TPR: variants seen among roughly 807,000 people sequenced by gnomAD.
TPR encodes translocated promoter region, nuclear basket protein, also known as nucleoprotein TPR.
In TPR, 51 loss-of-function variants were observed where a neutral mutation model predicts 316.1. The ratio of observed to expected loss-of-function variants is 0.16; its 90% confidence interval spans 0.13 to 0.20. The LOEUF (loss-of-function observed/expected upper bound fraction) is 0.20, where lower values mean the gene tolerates loss of function less well. Among genes scored for constraint, TPR ranks in the 10% least tolerant of loss-of-function variants. The pLI is 1.00. For missense variants in TPR, 2,272 were observed against 2,754.8 expected (o/e 0.82, Z 3.92); for synonymous variants, 981 against 914.7 (o/e 1.07, Z -1.31).
In TPR at chr1:186,362,916, T is replaced by A. The variant is rs777593623; in HGVS notation, c.617A>T (p.Asp206Val). The change falls in exon 6 of 51, where the codon GAT becomes GTT. Residue 206 changes from aspartate to valine, a missense_variant. Physicochemically the swap from Asp to Val is radical, Grantham distance 152 (BLOSUM62 -3). This residue lies in a region of TPR where 549 missense variants were observed against 598.6 expected (regional missense o/e 0.92). Transcript: ENST00000367478. ...WLNTELKTKT[D>V]ELLALGREKG... ...TTCTCTTCCAAGAGCCAGAAGTTCATCAGTTTTGGTTTTCAACTCTGTATT... is the reference window on the plus strand; with the variant it reads ...TTCTCTTCCAAGAGCCAGAAGTTCAACAGTTTTGGTTTTCAACTCTGTATT... 1 of 1,611,812 alleles carries A rather than the reference T, an allele frequency of 6.2e-7. No homozygotes were observed. Among genetic ancestry groups the A allele is most frequent in the Non-Finnish European group, 8.5e-7 (1 of 1,179,060 alleles).
intron 32 of TPR, 91 bp from the exon 33 acceptor site, chr1:186,336,785 T>C (rs1658352644): frequency 7.1e-7 from 1 of 1,410,464 alleles, no homozygotes; most frequent in South Asian, 1.3e-5. Context: ...CTTATTAATT[T>C]GCTTTTTAAA....
intron 1 of TPR, among the ~76,000 whole-genome samples, chr1:186,373,979 C>T (rs1457411469): frequency 6.6e-6 from 1 of 152,136 alleles, no homozygotes. Flanking sequence ...GTAAGACATT[C>T]AATATTTATG....
In TPR at chr1:186,370,991, C is replaced by T. The variant is rs1460374977; in HGVS notation, c.309G>A (p.Gln103=). 6.2e-7 allele frequency: 1 copy of T among 1,612,874 alleles called. No homozygotes were observed. The highest frequency in any genetic ancestry group is 2.2e-5 in the East Asian group (1 of 44,728). The part of the protein sequence containing the change: ...TEKNKELEIA[Q]DRNIAIQSQF... ...TTACCTGAATGGCAATATTGCGATCCTGAGCAATTTCAAGTTCTTTGTTTT... is the reference window on the plus strand; with the variant it reads ...TTACCTGAATGGCAATATTGCGATCTTGAGCAATTTCAAGTTCTTTGTTTT... The change falls in exon 3 of 51, where the codon CAG becomes CAA. Residue 103 remains glutamine, a synonymous_variant. Coordinates refer to ENST00000367478, the MANE Select transcript of TPR (RefSeq NM_003292.3).
In TPR at chr1:186,312,085, TTCCTA is replaced by T; in HGVS notation, c.*1881_*1885del. 1 of 1,066,442 alleles carries T rather than the reference TTCCTA, an allele frequency of 9.4e-7. No individual in the cohort carries two copies. The highest frequency in any genetic ancestry group is 1.4e-6 in the Non-Finnish European group (1 of 703,032). 66.1% of individuals were successfully genotyped at this position (1,066,442 alleles called of 1,614,324 possible). ...ATATGAAAAATGAGAACAAAACTGT[TTCCTA>T]TACATTGTAAAAGTTGTTTTCCACC... is the stretch of plus-strand genomic sequence containing the variant. On this transcript the variant is annotated 3_prime_UTR_variant, in exon 51 of 51. Transcript: ENST00000367478.
intron 42 of TPR, among the ~76,000 whole-genome samples, chr1:186,324,140 T>C (rs1194589679): frequency 6.6e-6 from 1 of 152,150 alleles, no homozygotes; most frequent in Non-Finnish European, 1.5e-5. Context: ...AACCTCCAAG[T>C]CTGGTGTTTC....
At position 186,344,366 on chromosome 1, in the gene TPR, C is replaced by T. The variant is rs1037553595; in HGVS notation, c.3417+9G>A. ...CAACAGAACATTCTATTCAGATTTA[C>T]AATAATACCTTTAACATTCTCTCTC... On this transcript the variant is annotated intron_variant, in intron 25 of 50. Transcript: ENST00000367478. The T allele has an allele frequency of 6.8e-6, 11 of 1,611,700 alleles. No individual in the cohort carries two copies. The highest frequency in any genetic ancestry group is 5.9e-6 in the Non-Finnish European group (7 of 1,178,952).
At chr1:186,325,895 AAT>A (rs2102056469) in intron 41 of TPR, 41 bp from the exon 42 acceptor site, 1 of 1,597,144 alleles carries the variant, frequency 6.3e-7, no homozygotes, top group East Asian at 2.2e-5. Context: ...AAATAAAATA[AAT>A]ATGTTAAAAA....
At chr1:186,373,507 G>A (rs760333161) in intron 1 of TPR, 44 bp from the exon 2 acceptor site, 1 of 1,205,430 alleles carries the variant, frequency 8.3e-7, no homozygotes, top group Non-Finnish European at 1.2e-6. Flanking sequence ...TCAAACACAT[G>A]TACATACATT....
At chr1:186,318,934 AC>A (rs1657690860) in intron 46 of TPR, 106 bp from the exon 47 acceptor site, 1 of 997,216 alleles carries the variant, frequency 1.0e-6, no homozygotes, top group South Asian at 1.6e-5. Flanking sequence ...ATACAACTTT[AC>A]TAAAGTCCAC....
At chr1:186,325,705 A>C in intron 42 of TPR, 59 bp downstream of exon 42, 2 of 1,378,184 alleles carry the variant, frequency 1.5e-6, no homozygotes, top group Non-Finnish European at 2.0e-6. Context: ...ATTAAGTGCA[A>C]TTCTAGTTTA....
chr1:186,355,757 C>T lies in TPR; in HGVS notation c.1900G>A (p.Asp634Asn). 3 of 1,613,784 alleles carry T rather than the reference C, an allele frequency of 1.9e-6. No individual in the cohort carries two copies. The highest frequency in any genetic ancestry group is 2.5e-6 in the Non-Finnish European group (3 of 1,179,934). The change falls in exon 16 of 51, where the codon GAT (aspartate) becomes AAT (asparagine). Residue 634 changes from aspartate to asparagine, a missense_variant. This residue lies in a region of TPR where 757 missense variants were observed against 859.8 expected (regional missense o/e 0.88). Coordinates refer to ENST00000367478, the MANE Select transcript of TPR (RefSeq NM_003292.3). ...GGAGTTGATGCAAGAGAAACATCAT[C>T]TAAGCTTGAAGCTTCAGGAAAGTAA... ...VAIPLHASSLDDVSLASTPKR... is the reference protein window; with the variant it reads ...VAIPLHASSLNDVSLASTPKR...
chr1:186,357,927 T>C (rs1389245309), intron 13 of TPR, among the ~76,000 whole-genome samples: 1 of 152,180 alleles, frequency 6.6e-6, no homozygotes, highest in African/African-American at 2.4e-5. Context: ...AAATATCTAT[T>C]TTTTTGTGTG....
intron 17 of TPR, among the ~76,000 whole-genome samples, chr1:186,354,662 A>G (rs1658970617): frequency 6.6e-6 from 1 of 152,222 alleles, no homozygotes. Context: ...AATGAATTTA[A>G]TAACAAATAA....
At position 186,360,008 on chromosome 1, in the gene TPR, C is replaced by T. The variant is rs1276982738; in HGVS notation, c.1192-12G>A. On this transcript the variant is annotated splice_polypyrimidine_tract_variant and intron_variant, in intron 11 of 50. Transcript: ENST00000367478. ...TAAGCATTATAGAGCTGAAAGTAGA[C>T]AAAGGGTTGTTTCAAATCTAACCAT... The T allele has an allele frequency of 1.2e-6, 2 of 1,601,060 alleles. No individual in the cohort carries two copies. Among genetic ancestry groups the T allele is most frequent in the Non-Finnish European group, 1.7e-6 (2 of 1,176,952 alleles).
intron 29 of TPR, among the ~76,000 whole-genome samples, chr1:186,340,091 A>C (rs1199155528): frequency 6.6e-6 from 1 of 152,232 alleles, no homozygotes; most frequent in Non-Finnish European, 1.5e-5. Context: ...AATATTAAGT[A>C]CCTAATTTCA....
Position 186,343,927 on chromosome 1 carries a change from T to C in TPR, c.3581A>G (p.Glu1194Gly), listed in dbSNP as rs1171498879. The C allele has an allele frequency of 2.5e-6, 4 of 1,613,304 alleles. No homozygotes were observed. The East Asian group carries it at 8.9e-5, about 36-fold the overall frequency. Residue 1194 changes from glutamate (E) to glycine (G), a missense_variant, in exon 26 of 51, where the codon GAA (glutamate) becomes GGA (glycine). By Grantham distance (98) the Glu-to-Gly change is moderately conservative. This residue lies in a region of TPR where 757 missense variants were observed against 859.8 expected (regional missense o/e 0.88). Coordinates refer to ENST00000367478, the MANE Select transcript of TPR (RefSeq NM_003292.3). ...TTACCTGAGAATTTCCAAAATTTGT[T>C]CTTGAGATTTTCCTTCTTCACTGAG... ...VSLSEEGKSQ[E>G]QILEILRFIR... is the part of the protein sequence containing the mutation.
Position 186,359,822 on chromosome 1 carries a change from C to A in TPR, c.1366G>T (p.Val456Phe). The A allele has an allele frequency of 6.3e-6, 10 of 1,587,162 alleles. No homozygotes were observed. Among genetic ancestry groups the A allele is most frequent in the Non-Finnish European group, 8.5e-6 (10 of 1,172,888 alleles). ...RAQKAVASLS[V>F]KLEQAMKEIQ... ...ACCTTCATAGCTTGTTCAAGCTTAACAGATAAACTTGCTACAGCTTTCTGT... is the reference window on the plus strand; with the variant it reads ...ACCTTCATAGCTTGTTCAAGCTTAAAAGATAAACTTGCTACAGCTTTCTGT... The change falls in exon 12 of 51, where the codon GTT becomes TTT. Residue 456 changes from valine (V) to phenylalanine (F), a missense_variant. Physicochemically the swap from Val to Phe is conservative, Grantham distance 50. Transcript: ENST00000367478.
intron 43 of TPR, 134 bp downstream of exon 43, chr1:186,323,552 G>A (rs1209921008): frequency 1.3e-6 from 1 of 765,824 alleles, no homozygotes. Flanking sequence ...ATAAAAATAT[G>A]CCAAAATACC....
intron 21 of TPR, among the ~76,000 whole-genome samples, chr1:186,348,273 T>G (rs1042656939): frequency 2.0e-5 from 3 of 152,158 alleles, no homozygotes; most frequent in Non-Finnish European, 4.4e-5. Flanking sequence ...GCTCTGGGAA[T>G]GTCTGTCTTG....
Sources: gnomAD v4.1 joint callset for allele counts (sites outside exome capture counted in the v4.1 genomes callset) on GRCh38, gnomAD v4.1.1 for gene constraint, gnomAD v4.1.1 regional missense constraint, MANE v1.5 for transcripts, NCBI Gene and HGNC (gene_info 2026-07-23, HGNC 2026-07-21) for gene names.